The following OMA1 variants were observed in gnomAD, a reference collection of about 807,000 sequenced individuals.
OMA1 encodes OMA1 zinc metallopeptidase.
OMA1 carries 38 observed loss-of-function variants against 30.9 expected under a neutral mutation model. That is an observed-to-expected ratio of 1.23 (90% CI 0.95 to 1.61). The LOEUF (loss-of-function observed/expected upper bound fraction) is 1.61. Among genes scored for constraint, OMA1 ranks in the 40% most tolerant of loss-of-function variants. OMA1 has a pLI of 0.00. For synonymous variants in OMA1, 173 were observed against 121.9 expected (o/e 1.42, Z -2.76); for missense variants, 461 against 349.2 (o/e 1.32, Z -2.55).
At chr1:58,503,266 G>A (rs1006190730) in intron 8 of OMA1, among the ~76,000 whole-genome samples, 1 of 152,122 alleles carries the variant, frequency 6.6e-6, no homozygotes, top group African/African-American at 2.4e-5. Context: ...CCCAGGGTGC[G>A]ATAAAGTCCC....
At chr1:58,492,113 C>G (rs1645705279) in intron 8 of OMA1, among the ~76,000 whole-genome samples, 1 of 152,182 alleles carries the variant, frequency 6.6e-6, no homozygotes, top group African/African-American at 2.4e-5. Flanking sequence ...AAGAAACCCA[C>G]TCAAAACCAC....
At chr1:58,530,886 T>C (rs1376029280) in intron 5 of OMA1, among the ~76,000 whole-genome samples, 157 bp from the exon 6 acceptor site, 1 of 152,240 alleles carries the variant, frequency 6.6e-6, no homozygotes, top group African/African-American at 2.4e-5. Flanking sequence ...CGGGTCTGTT[T>C]TTCCCTTCCT....
At chr1:58,498,049 A>G (rs114325045) in intron 8 of OMA1, among the ~76,000 whole-genome samples, 71 of 152,238 alleles carry the variant, frequency 4.7e-4, no homozygotes, top group African/African-American at 1.6e-3. Flanking sequence ...CTCCCCTATA[A>G]GGCCCTGATA....
chr1:58,537,103 A>G (rs1042308234), intron 2 of OMA1, among the ~76,000 whole-genome samples: 1 of 151,048 alleles, frequency 6.6e-6, no homozygotes, highest in Non-Finnish European at 1.5e-5. Flanking sequence ...TATATATACC[A>G]TCTCATTTAA....
chr1:58,506,481 A>T (rs1645992585), intron 7 of OMA1, among the ~76,000 whole-genome samples: 1 of 152,280 alleles, frequency 6.6e-6, no homozygotes, highest in African/African-American at 2.4e-5. Flanking sequence ...ATAAAAGTAG[A>T]ACATGCCCAT....
At chr1:58,518,225 G>A (rs528730119) in intron 7 of OMA1, among the ~76,000 whole-genome samples, 3 of 4,694 alleles carry the variant, frequency 6.4e-4, no homozygotes, top group African/African-American at 2.9e-3. Flanking sequence ...AGGGGAGAGG[G>A]GAGAGGGGAG....
chr1:58,506,096 G>A lies in OMA1; in HGVS notation c.1329C>T (p.Gly443=), dbSNP rs764816646. 1.1e-6 allele frequency: 1 copy of A among 871,912 alleles called. No homozygotes were observed. Among genetic ancestry groups the A allele is most frequent in the South Asian group, 1.3e-5 (1 of 76,456 alleles). The allele number at this position is 871,912 out of a possible 1,614,324, so 54.0% of individuals were successfully genotyped here. ...PEWLSTHPSH[G]NRVEYLDRLI... ...GTCTATCCAAGTACTCAACTCGATT[G>A]CCATGAGAAGGGTGTGTAGATAACC... The change falls in exon 8 of 9, where the codon GGC becomes GGT. Residue 443 remains glycine, a synonymous_variant. Coordinates refer to ENST00000371226, the MANE Select transcript of OMA1 (RefSeq NM_145243.5).
chr1:58,486,517 G>T (rs1419212626), intron 8 of OMA1, among the ~76,000 whole-genome samples: 2 of 151,998 alleles, frequency 1.3e-5, no homozygotes, highest in East Asian at 3.9e-4. Context: ...TGCTTATCCT[G>T]CCTATTATTA....
chr1:58,495,150 T>C (rs1489018479), intron 8 of OMA1, among the ~76,000 whole-genome samples: 3 of 152,172 alleles, frequency 2.0e-5, no homozygotes. Flanking sequence ...ACCATCATTC[T>C]CAGCAAACTA....
intron 8 of OMA1, among the ~76,000 whole-genome samples, chr1:58,494,133 T>C (rs1054696393): frequency 1.2e-4 from 19 of 152,334 alleles, no homozygotes; most frequent in African/African-American, 4.6e-4. Context: ...AACTATCTGA[T>C]CTTTGACAAA....
intron 1 of OMA1, among the ~76,000 whole-genome samples, chr1:58,543,224 G>A (rs961997524): frequency 5.3e-5 from 8 of 152,086 alleles, no homozygotes; most frequent in African/African-American, 1.9e-4. Context: ...TCTCTAAGAC[G>A]TTTACATGGT....
At chr1:58,532,791 G>A (rs538513608) in intron 5 of OMA1, among the ~76,000 whole-genome samples, 10 of 152,310 alleles carry the variant, frequency 6.6e-5, no homozygotes, top group African/African-American at 1.4e-4. Context: ...CTCTCAAAGT[G>A]CTGGGATTAC....
At chr1:58,522,167 A>T (rs1351601832) in intron 7 of OMA1, among the ~76,000 whole-genome samples, 2 of 152,202 alleles carry the variant, frequency 1.3e-5, no homozygotes, top group Non-Finnish European at 2.9e-5. Flanking sequence ...ATACAGGCAG[A>T]AAATGCAGGG....
chr1:58,528,186 C>G (rs1180341411), intron 6 of OMA1, among the ~76,000 whole-genome samples: 1 of 152,190 alleles, frequency 6.6e-6, no homozygotes, highest in Non-Finnish European at 1.5e-5. Flanking sequence ...TGCCTTCACT[C>G]CCCATGAGCA....
At position 58,538,953 on chromosome 1, in the gene OMA1, T is replaced by G. The variant is rs186249254; in HGVS notation, c.342A>C (p.Thr114=). 6.9e-6 allele frequency: 6 copies of G among 872,914 alleles called. No homozygotes were observed. The highest frequency in any genetic ancestry group is 6.5e-5 in the African/African-American group (4 of 61,458). 54.1% of individuals were successfully genotyped at this position (872,914 alleles called of 1,614,324 possible). The change falls in exon 2 of 9, where the codon ACA becomes ACC. Residue 114 remains threonine, a synonymous_variant. Transcript: ENST00000371226. ...GCAATACTGACAGACTAGGGACTGC[T>G]GTAACTTCTTTTATTAGCAGCTGTC... ...FSRQLLIKEV[T]AVPSLSVLHP... is the part of the protein sequence containing the mutation.
At chr1:58,502,059 T>C in intron 8 of OMA1, among the ~76,000 whole-genome samples, 1 of 152,184 alleles carries the variant, frequency 6.6e-6, no homozygotes, top group Middle Eastern at 3.2e-3. Flanking sequence ...AGATGACTGA[T>C]AAATACTTGT....
chr1:58,481,464 C>T (rs938559179), intron 8 of OMA1, among the ~76,000 whole-genome samples: 3 of 152,018 alleles, frequency 2.0e-5, no homozygotes, highest in Admixed American at 6.6e-5. Context: ...CTTAGAGATA[C>T]ATCTATGGTT....
Position 58,480,867 on chromosome 1 carries a change from C to CTTTTTTTTTTTTT in OMA1, c.*97_*98insAAAAAAAAAAAAA. On this transcript the variant is annotated 3_prime_UTR_variant, in exon 9 of 9. Transcript: ENST00000371226. ...TGTACATGATTTGACCCTGAATATC[C>CTTTTTTTTTTTTT]TTTTTTTTTTCACTTCAAACATCAT... 1 of 610,552 alleles carries CTTTTTTTTTTTTT rather than the reference C, an allele frequency of 1.6e-6. No homozygotes were observed. Among genetic ancestry groups the CTTTTTTTTTTTTT allele is most frequent in the African/African-American group, 1.9e-5 (1 of 53,414 alleles). 37.8% of individuals were successfully genotyped at this position (610,552 alleles called of 1,614,324 possible).
At chr1:58,522,110 A>G (rs993547315) in intron 7 of OMA1, among the ~76,000 whole-genome samples, 3 of 152,188 alleles carry the variant, frequency 2.0e-5, no homozygotes, top group African/African-American at 7.2e-5. Flanking sequence ...AATTAATGTA[A>G]TTTGCCCAAT....
Sources: allele counts gnomAD v4.1 joint callset (sites outside exome capture counted in the v4.1 genomes callset), GRCh38; gene constraint gnomAD v4.1.1; transcripts MANE v1.5; gene names NCBI Gene and HGNC (gene_info 2026-07-23, HGNC 2026-07-21).